The following TMEM132C variants were observed in gnomAD, a reference collection of about 807,000 sequenced individuals.
TMEM132C encodes the protein transmembrane protein 132C.
TMEM132C carries 29 observed loss-of-function variants against 61.4 expected under a neutral mutation model. That is an observed-to-expected ratio of 0.47 (90% confidence interval 0.35 to 0.64). TMEM132C has a LOEUF of 0.64. Among genes scored for constraint, TMEM132C ranks in the 30% least tolerant of loss-of-function variants. TMEM132C has a pLI of 0.00. For missense variants in TMEM132C, 1,408 were observed against 1,476.9 expected, an observed-to-expected ratio of 0.95 and a Z score of 0.76; for synonymous variants, 656 against 633.1, an observed-to-expected ratio of 1.04 and a Z score of -0.54.
At chr12:128,577,081 C>CT (rs1875135537) in intron 3 of TMEM132C, among the ~76,000 whole-genome samples, 1 of 152,160 alleles carries the variant, frequency 6.6e-6, no homozygotes, top group African/African-American at 2.4e-5. Flanking sequence ...GGCATTTGAC[C>CT]TTCTTCCCTC....
chr12:128,575,369 C>G (rs1302346286), intron 3 of TMEM132C, among the ~76,000 whole-genome samples: 1 of 152,114 alleles, frequency 6.6e-6, no homozygotes, highest in Non-Finnish European at 1.5e-5. Context: ...GTCCCAGCTA[C>G]TGGGGAGACT....
At chr12:128,493,826 T>A (rs1470061691) in intron 2 of TMEM132C, among the ~76,000 whole-genome samples, 1 of 152,174 alleles carries the variant, frequency 6.6e-6, no homozygotes, top group Non-Finnish European at 1.5e-5. Context: ...CTTTTCCTAA[T>A]TGAATACCCT....
chr12:128,445,333 C>T (rs920757781), intron 2 of TMEM132C, among the ~76,000 whole-genome samples: 10 of 152,150 alleles, frequency 6.6e-5, no homozygotes, highest in Non-Finnish European at 1.2e-4. Flanking sequence ...TTAGAAGATT[C>T]GAGTGGCCTC....
intron 3 of TMEM132C, among the ~76,000 whole-genome samples, chr12:128,571,245 C>G (rs749621486): frequency 5.9e-5 from 9 of 152,212 alleles, no homozygotes; most frequent in East Asian, 1.9e-4. Context: ...TGCCTGCCTT[C>G]TACCCTTTTT....
At chr12:128,462,777 G>A (rs1214084686) in intron 2 of TMEM132C, among the ~76,000 whole-genome samples, 2 of 152,184 alleles carry the variant, frequency 1.3e-5, no homozygotes. Context: ...CTTGATGAAG[G>A]TCTGTAATAC....
Position 128,623,993 on chromosome 12 carries a change from G to A in TMEM132C, c.1305+7658G>A, listed in dbSNP as rs151303645. Among the ~76,000 whole-genome samples, 313 of 152,314 alleles carry A rather than the reference G, an allele frequency of 2.1e-3. 4 individuals are homozygous for A. In the East Asian group the frequency reaches 0.042, roughly 20 times the overall value. On this transcript the variant is annotated intron_variant, in intron 4 of 8. Transcript: ENST00000435159. The stretch of plus-strand genomic sequence containing the variant: ...ACTTTCCAGGTCAATTGGAGTTTGC[G>A]TAAGGTAGGAGGAGGGCCCAGGAGG...
At chr12:128,579,047 A>G (rs1488642220) in intron 3 of TMEM132C, among the ~76,000 whole-genome samples, 1 of 152,202 alleles carries the variant, frequency 6.6e-6, no homozygotes, top group Non-Finnish European at 1.5e-5. Flanking sequence ...AACTTCCTGA[A>G]GCCTGTTCAG....
chr12:128,285,765 CTCTT>C (rs1276098170), intron 1 of TMEM132C, among the ~76,000 whole-genome samples: 1 of 72,442 alleles, frequency 1.4e-5, no homozygotes, highest in East Asian at 3.6e-4. Context: ...CTCCCTTTCT[CTCTT>C]TCTCTCTCTC....
chr12:128,361,757 C>G (rs896342962), intron 1 of TMEM132C, among the ~76,000 whole-genome samples: 4 of 151,742 alleles, frequency 2.6e-5, no homozygotes, highest in East Asian at 3.9e-4. Flanking sequence ...AAATACACTT[C>G]AGTGAAGGAT....
At chr12:128,308,154 T>C (rs1375423522) in intron 1 of TMEM132C, among the ~76,000 whole-genome samples, 1 of 152,240 alleles carries the variant, frequency 6.6e-6, no homozygotes, top group African/African-American at 2.4e-5. Flanking sequence ...ATAAAGCCCA[T>C]GCTGATGGAA....
At position 128,414,721 on chromosome 12, in the gene TMEM132C, T is replaced by G; in HGVS notation, c.86-11T>G. 6.7e-7 allele frequency: 1 copy of G among 1,500,328 alleles called. No individual in the cohort carries two copies. Among genetic ancestry groups the G allele is most frequent in the Non-Finnish European group, 8.9e-7 (1 of 1,128,142 alleles). The allele number at this position is 1,500,328 out of a possible 1,614,324, so 92.9% of individuals were successfully genotyped here. ...TTTGTCTTTTTCTTTTCTTTCTTTT[T>G]CCCTTTTTAGTGATAGAGGGTCACG... On this transcript the variant is annotated splice_polypyrimidine_tract_variant and intron_variant, in intron 1 of 8. Transcript: ENST00000435159.
chr12:128,578,565 T>A (rs900878124), intron 3 of TMEM132C, among the ~76,000 whole-genome samples: 5 of 152,144 alleles, frequency 3.3e-5, no homozygotes, highest in Non-Finnish European at 5.9e-5. Flanking sequence ...TAAACTTACC[T>A]GAGAATGGAA....
rs930414300 is a variant in TMEM132C at position 128,414,606 on chromosome 12, C to T, written c.86-126C>T. The T allele has an allele frequency of 5.8e-6, 6 of 1,041,670 alleles. No homozygotes were observed. In the African/African-American group the frequency reaches 9.7e-5, roughly 17 times the overall value. The allele number at this position is 1,041,670 out of a possible 1,614,324, so 64.5% of individuals were successfully genotyped here. A position where few individuals can be genotyped will look rare whatever the true frequency, so the allele number is the denominator to read the frequency against. The stretch of plus-strand genomic sequence containing the variant: ...TTATTCCAGGAAGAATATAAAAATT[C>T]TAGCCAAGTGGGCTTCAGAATTTCT... On this transcript the variant is annotated intron_variant, in intron 1 of 8. Transcript: ENST00000435159.
intron 2 of TMEM132C, among the ~76,000 whole-genome samples, chr12:128,459,744 G>T (rs538893945): frequency 4.6e-5 from 7 of 151,954 alleles, no homozygotes; most frequent in African/African-American, 1.5e-4. Context: ...AATTAGCCAG[G>T]TGTGGTGGTG....
At chr12:128,325,392 A>G (rs1872473912) in intron 1 of TMEM132C, among the ~76,000 whole-genome samples, 4 of 152,188 alleles carry the variant, frequency 2.6e-5, no homozygotes, top group Admixed American at 2.6e-4. Context: ...TACCTTCCAT[A>G]GGATCACCAT....
chr12:128,533,954 C>CAT (rs1434842475), intron 2 of TMEM132C, among the ~76,000 whole-genome samples: 1 of 118,102 alleles, frequency 8.5e-6, no homozygotes, highest in East Asian at 2.6e-4. Context: ...CACATACACA[C>CAT]ACACACACAC....
At chr12:128,607,936 C>T (rs540179944) in intron 3 of TMEM132C, among the ~76,000 whole-genome samples, 1 of 152,220 alleles carries the variant, frequency 6.6e-6, no homozygotes, top group African/African-American at 2.4e-5. Context: ...TCACGCTCTC[C>T]CATATGCTGC....
chr12:128,462,137 G>A (rs112516367), intron 2 of TMEM132C, among the ~76,000 whole-genome samples: 10,044 of 152,038 alleles, frequency 0.066, 415 homozygotes, highest in Middle Eastern at 0.11. Flanking sequence ...ACAGAGTCTC[G>A]CTCTGTCACC....
chr12:128,464,337 C>T (rs1414340125), intron 2 of TMEM132C, among the ~76,000 whole-genome samples: 1 of 152,204 alleles, frequency 6.6e-6, no homozygotes, highest in Non-Finnish European at 1.5e-5. Context: ...TGGCCCTCCC[C>T]ACATCCTAGT....
Sources: allele counts gnomAD v4.1 joint callset (sites outside exome capture counted in the v4.1 genomes callset), GRCh38; gene constraint gnomAD v4.1.1; transcripts MANE v1.5; gene names NCBI Gene and HGNC (gene_info 2026-07-23, HGNC 2026-07-21).